Variants in ANGEL2 observed in about 807,000 individuals in gnomAD.
ANGEL2 encodes RNA 2',3'-cyclic phosphatase ANGEL2.
ANGEL2 carries 41 observed loss-of-function variants against 66.0 expected under a neutral mutation model. That is an observed-to-expected ratio of 0.62 (90% CI 0.48 to 0.81). The LOEUF is 0.81. ANGEL2 is among the 30% of genes least tolerant of loss of function. ANGEL2 has a pLI of 0.00. For missense variants in ANGEL2, 561 were observed against 641.6 expected (o/e 0.87, Z 1.36); for synonymous variants, 208 against 226.5 (o/e 0.92, Z 0.73).
Position 212,994,998 on chromosome 1 carries a change from AC to A in ANGEL2, c.*42del. On this transcript the variant is annotated 3_prime_UTR_variant, in exon 9 of 9. Coordinates refer to ENST00000366962, the MANE Select transcript of ANGEL2 (RefSeq NM_144567.5). ...TTAAGAACTTTACATTCTTTGAAAA[AC>A]AATACAAATTGGAAAGAAAATTAGT... 6.5e-7 allele frequency: 1 copy of A among 1,548,680 alleles called. No homozygotes were observed. The highest frequency in any genetic ancestry group is 8.7e-7 in the Non-Finnish European group (1 of 1,146,290).
intron 7 of ANGEL2, among the ~76,000 whole-genome samples, chr1:212,998,768 C>T (rs940008174): frequency 9.9e-5 from 15 of 151,966 alleles, no homozygotes; most frequent in South Asian, 2.1e-4. Flanking sequence ...CCTCATGATC[C>T]GCCCGCCTCA....
intron 7 of ANGEL2, among the ~76,000 whole-genome samples, chr1:212,998,822 G>A (rs768386692): frequency 2.0e-5 from 3 of 151,414 alleles, no homozygotes; most frequent in Admixed American, 6.6e-5. Context: ...CACCGCGCCC[G>A]GCCTCTTTTT....
intron 2 of ANGEL2, among the ~76,000 whole-genome samples, chr1:213,008,934 A>G (rs1420243604): frequency 6.6e-6 from 1 of 152,238 alleles, no homozygotes; most frequent in Non-Finnish European, 1.5e-5. Context: ...AAGTTCCAGA[A>G]GCAACCCTTA....
intron 2 of ANGEL2, chr1:213,011,276 G>C (rs1255868504): frequency 2.3e-6 from 3 of 1,284,380 alleles, no homozygotes. Flanking sequence ...GTAAGCAATA[G>C]GCCTGATCAG....
chr1:213,007,005 G>C (rs1020333857), intron 4 of ANGEL2, 124 bp downstream of exon 4: 3 of 827,956 alleles, frequency 3.6e-6, no homozygotes, highest in Non-Finnish European at 3.8e-6. Flanking sequence ...GAAATGAGAG[G>C]ATTACTTGAG....
In ANGEL2 at chr1:213,015,848, C is replaced by A; in HGVS notation, c.-177G>T. 1 of 734,252 alleles carries A rather than the reference C, an allele frequency of 1.4e-6. No individual in the cohort carries two copies. The highest frequency in any genetic ancestry group is 1.8e-5 in the South Asian group (1 of 55,006). 45.5% of individuals were successfully genotyped at this position (734,252 alleles called of 1,614,324 possible). ...GCCGGCCGGCCTACACTCCATCTTG[C>A]GCAGTCAGAGTCCCTGAATGCCTTA... On this transcript the variant is annotated 5_prime_UTR_variant, in exon 1 of 9. Transcript: ENST00000366962.
intron 1 of ANGEL2, 73 bp downstream of exon 1, chr1:213,015,540 G>C: frequency 5.0e-6 from 5 of 994,748 alleles, no homozygotes; most frequent in Non-Finnish European, 6.7e-6. Context: ...CCCCGGGTTA[G>C]TCCCGGACGC....
At chr1:213,014,724 G>A (rs963423164) in intron 1 of ANGEL2, among the ~76,000 whole-genome samples, 2 of 152,172 alleles carry the variant, frequency 1.3e-5, no homozygotes, top group Non-Finnish European at 2.9e-5. Context: ...CAAGTGCCTA[G>A]CACAGTGCCT....
Position 213,013,353 on chromosome 1 carries a change from A to C in ANGEL2, c.125T>G (p.Leu42Arg). Residue 42 changes from leucine to arginine, a missense_variant, in exon 2 of 9, where the codon CTG (leucine) becomes CGG (arginine). Physicochemically the swap from Leu to Arg is moderately radical, Grantham distance 102. Coordinates refer to ENST00000366962, the MANE Select transcript of ANGEL2 (RefSeq NM_144567.5). ...ATGTCTGTTCCAGCAACACCTTTGC[A>C]GATTCTCCCACGGTGTAGTCCAGTC... ...GRDWTTPWEN[L>R]QRCCWNRHIS... is the part of the protein sequence containing the mutation. 6.2e-7 allele frequency: 1 copy of C among 1,614,184 alleles called. No homozygotes were observed. The highest frequency in any genetic ancestry group is 8.5e-7 in the Non-Finnish European group (1 of 1,180,010).
chr1:213,003,385 A>G (rs920129909), intron 5 of ANGEL2, among the ~76,000 whole-genome samples: 2 of 150,954 alleles, frequency 1.3e-5, no homozygotes, highest in Non-Finnish European at 1.5e-5. Context: ...TCAGCTTTCA[A>G]AATGCCTTCC....
At chr1:213,008,610 T>C (rs1470456233) in intron 2 of ANGEL2, 144 bp from the exon 3 acceptor site, 2 of 928,970 alleles carry the variant, frequency 2.2e-6, no homozygotes, top group Non-Finnish European at 3.1e-6. Context: ...AATATAGCAC[T>C]GAATAATTAG....
intron 7 of ANGEL2, among the ~76,000 whole-genome samples, chr1:212,999,628 T>A (rs1383902940): frequency 3.9e-5 from 6 of 152,178 alleles, no homozygotes; most frequent in Non-Finnish European, 2.9e-5. Context: ...ACAGCCACAA[T>A]ATAATTAACA....
In ANGEL2 at chr1:213,015,703, C is replaced by A. The variant is rs1370985921; in HGVS notation, c.-32G>T. The A allele has an allele frequency of 6.2e-7, 1 of 1,614,024 alleles. No individual in the cohort carries two copies. The highest frequency in any genetic ancestry group is 1.1e-5 in the South Asian group (1 of 91,080). On this transcript the variant is annotated 5_prime_UTR_variant, in exon 1 of 9. Transcript: ENST00000366962. ...CCTCCGCGTGCGTCCAGTTCCCAGG[C>A]CCCGGGTTCCACCTCAATCTCTATA...
intron 5 of ANGEL2, among the ~76,000 whole-genome samples, 176 bp downstream of exon 5, chr1:213,004,857 G>A (rs1411942568): frequency 9.9e-6 from 1 of 100,598 alleles, no homozygotes; most frequent in African/African-American, 4.0e-5. Context: ...GACAGAGTGA[G>A]ACTGTCTCAA....
At chr1:213,015,443 C>A in intron 1 of ANGEL2, 170 bp downstream of exon 1, 2 of 1,427,248 alleles carry the variant, frequency 1.4e-6, no homozygotes, top group Non-Finnish European at 9.1e-7. Context: ...GTTTACCTAT[C>A]CCGCTTGGTC....
Position 213,013,367 on chromosome 1 carries a change from T to C in ANGEL2, c.111A>G (p.Thr37=). The C allele has an allele frequency of 6.2e-7, 1 of 1,614,162 alleles. No homozygotes were observed. Among genetic ancestry groups the C allele is most frequent in the Non-Finnish European group, 8.5e-7 (1 of 1,180,006 alleles). Residue 37 remains threonine (T), a synonymous_variant, in exon 2 of 9, where the codon ACA becomes ACG. Coordinates refer to ENST00000366962, the MANE Select transcript of ANGEL2 (RefSeq NM_144567.5). ...AACACCTTTGCAGATTCTCCCACGG[T>C]GTAGTCCAGTCTCTGCCCAGACTCC... The part of the protein sequence containing the change: ...HSRSLGRDWT[T]PWENLQRCCW...
intron 8 of ANGEL2, among the ~76,000 whole-genome samples, chr1:212,996,640 A>AAAAATAT (rs56102625): frequency 1.5e-5 from 1 of 66,472 alleles, no homozygotes; most frequent in African/African-American, 6.9e-5. Context: ...AAAAAAAAAA[A>AAAAATAT]ATATATATAT....
rs548988251 is a variant in ANGEL2, at chr1:213,007,566, T to C, written c.643-368A>G. Among the ~76,000 whole-genome samples, 15 of 152,316 alleles carry C rather than the reference T, an allele frequency of 9.8e-5. 1 individual carries two copies. The highest frequency in any genetic ancestry group is 3.6e-4 in the African/African-American group (15 of 41,564). ...AATGCTATCAGGTAGGTGACATTTT[T>C]GCATGAATTACTGAAATTTCAAATC... On this transcript the variant is annotated intron_variant, in intron 3 of 8. Coordinates refer to ENST00000366962, the MANE Select transcript of ANGEL2 (RefSeq NM_144567.5).
Position 213,005,772 on chromosome 1 carries a change from T to C in ANGEL2, c.713-318A>G, listed in dbSNP as rs114203190. On this transcript the variant is annotated intron_variant, in intron 4 of 8. Transcript: ENST00000366962. The stretch of plus-strand genomic sequence containing the variant: ...TCTCTCCACCCTATATTCCTGATCT[T>C]TTTGCCTGTAACTCCTTCCCCCTCA... Among the ~76,000 whole-genome samples, 481 of 152,266 alleles carry C rather than the reference T, an allele frequency of 3.2e-3. 4 individuals are homozygous for C. Among genetic ancestry groups the C allele is most frequent in the African/African-American group, 0.011 (458 of 41,548 alleles).
Sources: allele counts gnomAD v4.1 joint callset (sites outside exome capture counted in the v4.1 genomes callset), GRCh38; gene constraint gnomAD v4.1.1; transcripts MANE v1.5; gene names NCBI Gene and HGNC (gene_info 2026-07-23, HGNC 2026-07-21).